Variants in KCTD16 observed in about 807,000 individuals in gnomAD.
The protein encoded by KCTD16 is potassium channel tetramerization domain containing 16.
Under a neutral mutation model 33.2 loss-of-function variants are expected in KCTD16, and 13 were observed. The ratio of observed to expected loss-of-function variants is 0.39; its 90% confidence interval spans 0.25 to 0.62. The LOEUF (loss-of-function observed/expected upper bound fraction) is 0.62. Ranked by LOEUF, KCTD16 falls within the 20% of genes least tolerant of loss-of-function variation. KCTD16 has a pLI of 0.50. For synonymous variants in KCTD16, 197 were observed against 195.3 expected, an observed-to-expected ratio of 1.01 and a Z score of -0.07; for missense variants, 441 against 525.1, an observed-to-expected ratio of 0.84 and a Z score of 1.57.
intron 3 of KCTD16, among the ~76,000 whole-genome samples, chr5:144,254,863 G>T (rs1369931545): frequency 6.6e-6 from 1 of 151,904 alleles, no homozygotes; most frequent in Non-Finnish European, 1.5e-5. Context: ...GGATTCATGC[G>T]ATCCTCCCAC....
At chr5:144,223,144 G>C (rs1385862836) in intron 3 of KCTD16, among the ~76,000 whole-genome samples, 1 of 152,164 alleles carries the variant, frequency 6.6e-6, no homozygotes, top group Non-Finnish European at 1.5e-5. Flanking sequence ...GGTCTGTTGT[G>C]GGGTCGGGGG....
intron 3 of KCTD16, among the ~76,000 whole-genome samples, chr5:144,279,294 A>AT (rs1755538757): frequency 6.6e-6 from 1 of 151,548 alleles, no homozygotes; most frequent in African/African-American, 2.4e-5. Flanking sequence ...ATTTTTTTTT[A>AT]TTTTTTGTAC....
chr5:144,207,005 T>C lies in KCTD16; in HGVS notation c.291T>C (p.Pro97=). The change falls in exon 3 of 4, where the codon CCT becomes CCC. Residue 97 remains proline (P), a synonymous_variant. Coordinates refer to ENST00000512467, the MANE Select transcript of KCTD16 (RefSeq NM_020768.4). ...DYLRDRQVVL[P]DHFPEKGRLK... ...TCAGGGACAGGCAGGTGGTCCTGCC[T>C]GATCACTTTCCAGAAAAAGGAAGAC... 1 of 1,614,150 alleles carries C rather than the reference T, an allele frequency of 6.2e-7. No individual in the cohort carries two copies.
intron 3 of KCTD16, among the ~76,000 whole-genome samples, chr5:144,266,602 T>G (rs967777154): frequency 1.2e-4 from 18 of 152,234 alleles, no homozygotes; most frequent in Admixed American, 1.1e-3. Flanking sequence ...ACATCAAGGC[T>G]TTGACCAAAT....
chr5:144,429,774 A>G (rs1475342769), intron 3 of KCTD16, among the ~76,000 whole-genome samples: 1 of 152,138 alleles, frequency 6.6e-6, no homozygotes, highest in Admixed American at 6.6e-5. Flanking sequence ...CAACTGAACT[A>G]AAATAAGGAA....
intron 3 of KCTD16, among the ~76,000 whole-genome samples, chr5:144,430,390 T>A (rs1285675464): frequency 6.6e-6 from 1 of 152,018 alleles, no homozygotes; most frequent in African/African-American, 2.4e-5. Context: ...GAAGATGAGT[T>A]CTCTGTGCTT....
chr5:144,197,527 T>A (rs1254891135), intron 2 of KCTD16, among the ~76,000 whole-genome samples: 5 of 152,174 alleles, frequency 3.3e-5, no homozygotes, highest in Non-Finnish European at 5.9e-5. Context: ...TCACAACCCT[T>A]TGACAAATAT....
chr5:144,277,957 T>G (rs911400517), intron 3 of KCTD16, among the ~76,000 whole-genome samples: 1 of 152,210 alleles, frequency 6.6e-6, no homozygotes, highest in East Asian at 1.9e-4. Flanking sequence ...TATTTGTGGC[T>G]ATTTTCTCCC....
intron 3 of KCTD16, among the ~76,000 whole-genome samples, chr5:144,394,559 ACC>A (rs1236440699): frequency 6.6e-6 from 1 of 152,192 alleles, no homozygotes; most frequent in Non-Finnish European, 1.5e-5. Context: ...CTATATCCCC[ACC>A]CAAATCTCAT....
chr5:144,392,631 C>T (rs146419408), intron 3 of KCTD16, among the ~76,000 whole-genome samples: 16 of 152,292 alleles, frequency 1.1e-4, no homozygotes, highest in African/African-American at 3.6e-4. Context: ...GTATCTCTAG[C>T]GCTCCTTTTT....
At chr5:144,269,447 A>G (rs921315918) in intron 3 of KCTD16, among the ~76,000 whole-genome samples, 6 of 152,112 alleles carry the variant, frequency 3.9e-5, no homozygotes, top group South Asian at 2.1e-4. Context: ...ATATATTCAA[A>G]GCATTAAAAG....
intron 3 of KCTD16, among the ~76,000 whole-genome samples, chr5:144,296,478 C>T (rs1230293742): frequency 6.6e-6 from 1 of 152,140 alleles, no homozygotes; most frequent in East Asian, 1.9e-4. Context: ...TTCCAGTTCT[C>T]TGGGGGCCAG....
intron 3 of KCTD16, among the ~76,000 whole-genome samples, chr5:144,385,557 T>A (rs1752305346): frequency 6.6e-6 from 1 of 152,162 alleles, no homozygotes; most frequent in African/African-American, 2.4e-5. Flanking sequence ...TCATTGTCAC[T>A]CCATTACTAT....
intron 2 of KCTD16, among the ~76,000 whole-genome samples, chr5:144,179,829 G>T (rs957511398): frequency 6.6e-6 from 1 of 152,172 alleles, no homozygotes; most frequent in Admixed American, 6.5e-5. Flanking sequence ...GTTGTTTGTG[G>T]TATTTATTCA....
At chr5:144,463,741 T>C (rs564830162) in intron 3 of KCTD16, among the ~76,000 whole-genome samples, 2 of 152,334 alleles carry the variant, frequency 1.3e-5, no homozygotes, top group Non-Finnish European at 2.9e-5. Flanking sequence ...AAACTGTGCA[T>C]GACAAGAGAG....
chr5:144,452,146 T>TTATATATATATATATATATATA lies in KCTD16; in HGVS notation c.833-21495_833-21494insATATATATATATATATATATAT, dbSNP rs140891816. ...CAAAACACATTAAATATATATAATA[T>TTATATATATATATATATATATA]TATATATATATATATATATTCCTGT... On this transcript the variant is annotated intron_variant, in intron 3 of 3. Coordinates refer to ENST00000512467, the MANE Select transcript of KCTD16 (RefSeq NM_020768.4). Among the ~76,000 whole-genome samples the TTATATATATATATATATATATA allele has an allele frequency of 5.0e-4, 69 of 138,168 alleles. 1 individual carries two copies. The highest frequency in any genetic ancestry group is 1.9e-3 in the African/African-American group (64 of 33,826). The allele number at this position is 138,168 out of a possible 152,430, so 90.6% of individuals were successfully genotyped here.
intron 1 of KCTD16, among the ~76,000 whole-genome samples, chr5:144,172,055 G>C (rs527494504): frequency 1.3e-4 from 20 of 152,144 alleles, no homozygotes; most frequent in Non-Finnish European, 2.6e-4. Context: ...CCAGACCATT[G>C]TTGGGGACTA....
chr5:144,479,376 A>AAAAAAAAAAAAAG lies in KCTD16; in HGVS notation c.*5267_*5268insAAAAAAAGAAAAA, dbSNP rs1754659932. On this transcript the variant is annotated 3_prime_UTR_variant, in exon 4 of 4. Coordinates refer to ENST00000512467, the MANE Select transcript of KCTD16 (RefSeq NM_020768.4). ...TGTAAGAATAAATGCAAAAAAAAAA[A>AAAAAAAAAAAAAG]AAAAAGAAAAAGAAAAAGAAAGCAA... 6.7e-6 allele frequency: 1 copy of AAAAAAAAAAAAAG among 149,272 alleles called. No homozygotes were observed. Among genetic ancestry groups the AAAAAAAAAAAAAG allele is most frequent in the African/African-American group, 2.4e-5 (1 of 41,142 alleles). 9.2% of individuals were successfully genotyped at this position (149,272 alleles called of 1,614,324 possible).
chr5:144,278,257 T>G (rs1755493336), intron 3 of KCTD16, among the ~76,000 whole-genome samples: 1 of 152,038 alleles, frequency 6.6e-6, no homozygotes, highest in South Asian at 2.1e-4. Context: ...ACACCATTTG[T>G]TGAAAAGGCT....
Sources: gnomAD v4.1 joint callset for allele counts (sites outside exome capture counted in the v4.1 genomes callset) on GRCh38, gnomAD v4.1.1 for gene constraint, MANE v1.5 for transcripts, NCBI Gene and HGNC (gene_info 2026-07-23, HGNC 2026-07-21) for gene names.